SNTG1: variants seen among roughly 807,000 people sequenced by gnomAD.
SNTG1 encodes syntrophin gamma 1, also known as gamma-1-syntrophin.
In SNTG1, 39 loss-of-function variants were observed where a neutral mutation model predicts 74.7. That is an observed-to-expected ratio of 0.52 (90% CI 0.40 to 0.68). The LOEUF is 0.68. Among genes scored for constraint, SNTG1 ranks in the 30% least tolerant of loss-of-function variants. The probability of loss-of-function intolerance (pLI) is 0.00; values close to 1 mark genes in which losing one functional copy is unlikely to be tolerated. For missense variants in SNTG1, 685 were observed against 609.5 expected, an observed-to-expected ratio of 1.12 and a Z score of -1.30; for synonymous variants, 254 against 217.1, an observed-to-expected ratio of 1.17 and a Z score of -1.49.
intron 8 of SNTG1, among the ~76,000 whole-genome samples, chr8:50,483,632 G>A (rs1310904127): frequency 5.3e-5 from 8 of 152,158 alleles, no homozygotes; most frequent in South Asian, 2.1e-4. Flanking sequence ...GACTCATGCA[G>A]TGGACGGAAA....
chr8:50,395,526 T>C (rs899489090), intron 3 of SNTG1, among the ~76,000 whole-genome samples: 1 of 150,032 alleles, frequency 6.7e-6, no homozygotes, highest in Non-Finnish European at 1.5e-5. Context: ...TTTTTTTTAA[T>C]GGAGTCTCAC....
intron 2 of SNTG1, among the ~76,000 whole-genome samples, chr8:50,264,045 C>T (rs1282320102): frequency 6.6e-6 from 1 of 152,086 alleles, no homozygotes; most frequent in Non-Finnish European, 1.5e-5. Context: ...ATAACCCACA[C>T]ATATATGAAA....
At chr8:50,054,134 A>G (rs896335871) in intron 1 of SNTG1, among the ~76,000 whole-genome samples, 2 of 152,020 alleles carry the variant, frequency 1.3e-5, no homozygotes, top group African/African-American at 4.8e-5. Context: ...CAAATCTCCA[A>G]TTTCAGCATT....
At chr8:49,965,889 C>T (rs1356178914) in intron 1 of SNTG1, among the ~76,000 whole-genome samples, 1 of 151,748 alleles carries the variant, frequency 6.6e-6, no homozygotes, top group Non-Finnish European at 1.5e-5. Flanking sequence ...TTCATTTTAC[C>T]TTTTCTTTCA....
intron 4 of SNTG1, among the ~76,000 whole-genome samples, chr8:50,428,668 CA>C (rs2093194704): frequency 6.6e-6 from 1 of 152,124 alleles, no homozygotes; most frequent in South Asian, 2.1e-4. Context: ...GAGAAAAACC[CA>C]AAACCCTGAG....
At chr8:50,386,128 G>C (rs868392019) in intron 2 of SNTG1, among the ~76,000 whole-genome samples, 11 of 152,126 alleles carry the variant, frequency 7.2e-5, no homozygotes, top group African/African-American at 2.7e-4. Context: ...AACCAATGTG[G>C]TGATTCTGCT....
intron 1 of SNTG1, among the ~76,000 whole-genome samples, chr8:50,060,269 G>A (rs1820359708): frequency 6.6e-6 from 1 of 152,012 alleles, no homozygotes; most frequent in Non-Finnish European, 1.5e-5. Context: ...TGCCTTATCA[G>A]ATAAAGCACC....
intron 1 of SNTG1, among the ~76,000 whole-genome samples, chr8:50,172,070 G>A (rs1262874459): frequency 1.3e-5 from 2 of 152,154 alleles, no homozygotes; most frequent in East Asian, 1.9e-4. Flanking sequence ...TTCAATTACA[G>A]TATGTTTTAA....
chr8:50,079,329 A>G (rs1031052342), intron 1 of SNTG1, among the ~76,000 whole-genome samples: 22 of 152,052 alleles, frequency 1.4e-4, no homozygotes, highest in African/African-American at 5.3e-4. Context: ...GCTTTTTTTC[A>G]AATGTTTGTT....
chr8:50,251,682 A>G (rs566924127), intron 2 of SNTG1, among the ~76,000 whole-genome samples: 1 of 152,178 alleles, frequency 6.6e-6, no homozygotes, highest in South Asian at 2.1e-4. Context: ...TACAACAATT[A>G]TGAATATGTA....
Position 50,654,474 on chromosome 8 carries a change from T to C in SNTG1, c.850-2435T>C, listed in dbSNP as rs535737795. 2.2e-4 allele frequency among the ~76,000 whole-genome samples: 33 copies of C among 152,314 alleles called. No homozygotes were observed. In the East Asian group the frequency reaches 4.4e-3, roughly 20 times the overall value. ...CCCTGATGAAAGTTTCAATTTTGTA[T>C]CTTATATTCATATACATAGCAAACT... On this transcript the variant is annotated intron_variant, in intron 13 of 18. Transcript: ENST00000642720.
intron 17 of SNTG1, among the ~76,000 whole-genome samples, chr8:50,750,027 T>C (rs987331555): frequency 6.6e-6 from 1 of 152,040 alleles, no homozygotes; most frequent in Non-Finnish European, 1.5e-5. Flanking sequence ...GGCAGTCAAT[T>C]AAAAACTTTC....
chr8:50,000,123 G>T (rs867795593), intron 1 of SNTG1, among the ~76,000 whole-genome samples: 2 of 152,086 alleles, frequency 1.3e-5, no homozygotes, highest in African/African-American at 4.8e-5. Context: ...GACTGGCACC[G>T]TGCCACACTG....
At chr8:49,929,682 G>C (rs1280387122) in intron 1 of SNTG1, among the ~76,000 whole-genome samples, 1 of 152,104 alleles carries the variant, frequency 6.6e-6, no homozygotes, top group East Asian at 1.9e-4. Flanking sequence ...ATTTATGGTT[G>C]AGCAACTCAG....
chr8:50,563,798 G>T (rs1434698717), intron 12 of SNTG1, among the ~76,000 whole-genome samples: 2 of 152,066 alleles, frequency 1.3e-5, no homozygotes, highest in African/African-American at 4.8e-5. Flanking sequence ...TTACTGGAAG[G>T]TATCAGGAGA....
chr8:50,017,885 A>G (rs1425946715), intron 1 of SNTG1, among the ~76,000 whole-genome samples: 1 of 152,048 alleles, frequency 6.6e-6, no homozygotes, highest in Non-Finnish European at 1.5e-5. Flanking sequence ...AGAAAACAGA[A>G]GACTTGAACA....
chr8:49,937,834 T>TTTTC (rs1042197312), intron 1 of SNTG1, among the ~76,000 whole-genome samples: 3 of 152,198 alleles, frequency 2.0e-5, no homozygotes, highest in African/African-American at 7.2e-5. Context: ...GACAGTTTTC[T>TTTTC]TTTCTTTCTC....
At chr8:50,630,103 G>A (rs371764068) in intron 13 of SNTG1, among the ~76,000 whole-genome samples, 2 of 152,036 alleles carry the variant, frequency 1.3e-5, no homozygotes, top group Non-Finnish European at 2.9e-5. Context: ...GGTGATAAAA[G>A]GTAAGTAGGA....
chr8:50,443,320 C>T lies in SNTG1; in HGVS notation c.219+4721C>T, dbSNP rs199522804. On this transcript the variant is annotated intron_variant, in intron 5 of 18. Transcript: ENST00000642720. Reference sequence around the variant, plus strand: ...GGAAAGGATGTTTTAAATGTTATTACTATAAATATATTTTATGCAGTATTT... The same window carrying T: ...GGAAAGGATGTTTTAAATGTTATTATTATAAATATATTTTATGCAGTATTT... 9.2e-5 allele frequency among the ~76,000 whole-genome samples: 14 copies of T among 152,168 alleles called. No homozygotes were observed. In the East Asian group the frequency reaches 2.7e-3, roughly 29 times the overall value.
Sources: allele counts gnomAD v4.1 joint callset (sites outside exome capture counted in the v4.1 genomes callset), GRCh38; gene constraint gnomAD v4.1.1; transcripts MANE v1.5; gene names NCBI Gene and HGNC (gene_info 2026-07-23, HGNC 2026-07-21).